Variants in SLC35E1 observed in about 807,000 individuals in gnomAD.
The protein encoded by SLC35E1 is solute carrier family 35, member E1.
A neutral mutation model predicts 31.0 loss-of-function variants in SLC35E1; 12 were observed. The ratio of observed to expected loss-of-function variants is 0.39; its 90% CI spans 0.25 to 0.63. The LOEUF (loss-of-function observed/expected upper bound fraction) is 0.63. Ranked by LOEUF, SLC35E1 falls within the 20% of genes least tolerant of loss-of-function variation. The pLI, the probability that SLC35E1 is intolerant of heterozygous loss-of-function variation, is 0.52. For synonymous variants in SLC35E1, 257 were observed against 264.1 expected, an observed-to-expected ratio of 0.97 and a Z score of 0.26; for missense variants, 429 against 572.2, an observed-to-expected ratio of 0.75 and a Z score of 2.55.
intron 4 of SLC35E1, among the ~76,000 whole-genome samples, chr19:16,558,391 C>T (rs2085887141): frequency 1.3e-5 from 2 of 152,032 alleles, no homozygotes; most frequent in Non-Finnish European, 2.9e-5. Context: ...GGTTGGAGTG[C>T]AGTGGCACGA....
At position 16,551,628 on chromosome 19, in the gene SLC35E1, T is replaced by C. The variant is rs2085845909; in HGVS notation, c.*2051A>G. 6.6e-6 allele frequency: 1 copy of C among 151,986 alleles called. No individual in the cohort carries two copies. Among genetic ancestry groups the C allele is most frequent in the African/African-American group, 2.4e-5 (1 of 41,374 alleles). 9.4% of individuals were successfully genotyped at this position (151,986 alleles called of 1,614,324 possible). On this transcript the variant is annotated 3_prime_UTR_variant, in exon 6 of 6. Transcript: ENST00000595753. Reference sequence around the variant, plus strand: ...ACAAGCCAAGCCGTGGTCCCCTCCGTGAGGGCACGGTCCTTTCATGAAGCC... The same window carrying C: ...ACAAGCCAAGCCGTGGTCCCCTCCGCGAGGGCACGGTCCTTTCATGAAGCC...
In SLC35E1 at chr19:16,553,704, T is replaced by C. The variant is rs1427049535; in HGVS notation, c.1208A>G (p.Tyr403Cys). 3.2e-6 allele frequency: 5 copies of C among 1,583,882 alleles called. No homozygotes were observed. Among genetic ancestry groups the C allele is most frequent in the African/African-American group, 2.7e-5 (2 of 74,524 alleles). ...QYSRQSYPNS[Y>C]SLNRYDV ...CTACACATCATAGCGGTTCAAACTG[T>C]ACGAGTTTGGGTAGCTCTGCCGGCT... The change falls in exon 6 of 6, where the codon TAC (tyrosine) becomes TGC (cysteine). Residue 403 changes from tyrosine to cysteine, a missense_variant. Transcript: ENST00000595753.
At chr19:16,565,146 A>T (rs1444330417) in intron 4 of SLC35E1, 1 of 456,642 alleles carries the variant, frequency 2.2e-6, no homozygotes, top group South Asian at 1.5e-5. Context: ...CAGGTGGCAA[A>T]AAGATTCGAC....
chr19:16,570,344 T>TA (rs932722022), intron 2 of SLC35E1, among the ~76,000 whole-genome samples: 4 of 151,256 alleles, frequency 2.6e-5, no homozygotes, highest in Non-Finnish European at 4.4e-5. Flanking sequence ...CAGGCAGGAA[T>TA]AAAAAAAAAT....
chr19:16,561,443 A>C (rs2085906191), intron 4 of SLC35E1, among the ~76,000 whole-genome samples: 1 of 152,046 alleles, frequency 6.6e-6, no homozygotes, highest in African/African-American at 2.4e-5. Flanking sequence ...TGGTGGCTCC[A>C]AGGCACTCTG....
At chr19:16,558,801 GCT>G (rs1568272301) in intron 4 of SLC35E1, among the ~76,000 whole-genome samples, 2 of 128,298 alleles carry the variant, frequency 1.6e-5, no homozygotes, top group Admixed American at 8.9e-5. Context: ...ATGGACTCTC[GCT>G]CTGTCGCCCA....
At position 16,552,930 on chromosome 19, in the gene SLC35E1, G is replaced by C. The variant is rs2085853037; in HGVS notation, c.*749C>G. On this transcript the variant is annotated 3_prime_UTR_variant, in exon 6 of 6. Coordinates refer to ENST00000595753, the MANE Select transcript of SLC35E1 (RefSeq NM_024881.5). ...CACCCCAAGAGAAGCGCCCTGCTCT[G>C]GTGAGGGAAGAGGAGGCAAAGGAGA... is the stretch of plus-strand genomic sequence containing the variant. 1 of 152,214 alleles carries C rather than the reference G, an allele frequency of 6.6e-6. No homozygotes were observed. Among genetic ancestry groups the C allele is most frequent in the Non-Finnish European group, 1.5e-5 (1 of 68,060 alleles). The allele number at this position is 152,214 out of a possible 1,614,324, so 9.4% of individuals were successfully genotyped here. A position where few individuals can be genotyped will look rare whatever the true frequency, so the allele number is the denominator to read the frequency against.
intron 2 of SLC35E1, among the ~76,000 whole-genome samples, chr19:16,570,167 G>C (rs2085950482): frequency 6.6e-6 from 1 of 152,164 alleles, no homozygotes; most frequent in African/African-American, 2.4e-5. Flanking sequence ...GCCCAAGCTG[G>C]GTACAATGTC....
intron 4 of SLC35E1, among the ~76,000 whole-genome samples, chr19:16,558,360 G>A (rs1408363653): frequency 6.6e-6 from 1 of 151,424 alleles, no homozygotes; most frequent in Non-Finnish European, 1.5e-5. Flanking sequence ...TTCTTGAGAC[G>A]GAGTCTCACT....
intron 4 of SLC35E1, among the ~76,000 whole-genome samples, chr19:16,561,270 CAG>C (rs893799001): frequency 5.1e-5 from 6 of 116,748 alleles, no homozygotes; most frequent in South Asian, 2.8e-4. Context: ...GAAAGCCTAA[CAG>C]GGGATTTCCT....
At chr19:16,557,945 C>G (rs1416114139) in intron 4 of SLC35E1, among the ~76,000 whole-genome samples, 1 of 152,174 alleles carries the variant, frequency 6.6e-6, no homozygotes, top group African/African-American at 2.4e-5. Context: ...TCCCGCATAG[C>G]TGGGACTACA....
rs2085846963 is a variant in SLC35E1 at position 16,551,787 on chromosome 19, C to A, written c.*1892G>T. On this transcript the variant is annotated 3_prime_UTR_variant, in exon 6 of 6. Transcript: ENST00000595753. ...TTTTTTTTTTTGAGACAGAGTCTCA[C>A]TCTGTCACCAAGGCTGGAGTGCAGT... is the stretch of plus-strand genomic sequence containing the variant. 6.9e-6 allele frequency: 1 copy of A among 145,428 alleles called. No homozygotes were observed. The highest frequency in any genetic ancestry group is 1.5e-5 in the Non-Finnish European group (1 of 67,058). 9.0% of individuals were successfully genotyped at this position (145,428 alleles called of 1,614,324 possible). A position where few individuals can be genotyped will look rare whatever the true frequency, so the allele number is the denominator to read the frequency against.
Position 16,553,863 on chromosome 19 carries a change from A to G in SLC35E1, c.1049T>C (p.Val350Ala). The G allele has an allele frequency of 2.5e-6, 4 of 1,612,956 alleles. No homozygotes were observed. Among genetic ancestry groups the G allele is most frequent in the Non-Finnish European group, 3.4e-6 (4 of 1,179,416 alleles). ...CTTGCTGCTCAGGTCTGCTGTGGTG[A>G]CGGGGAGGAGGTGCTTCCTGGCTTG... is the stretch of plus-strand genomic sequence containing the variant. ...NQQARKHLLP[V>A]TTADLSSKER... The change falls in exon 6 of 6, where the codon GTC (valine) becomes GCC (alanine). Residue 350 changes from valine to alanine, a missense_variant. Transcript: ENST00000595753.
Position 16,550,193 on chromosome 19 carries a change from T to C in SLC35E1, c.*3486A>G, listed in dbSNP as rs1250343777. ...GACTTAAAATAAGGTGGTTAAAAAT[T>C]CTGCAGTGAGTCTCGCCATGGTGAA... On this transcript the variant is annotated 3_prime_UTR_variant, in exon 6 of 6. Coordinates refer to ENST00000595753, the MANE Select transcript of SLC35E1 (RefSeq NM_024881.5). The C allele has an allele frequency of 6.6e-6, 1 of 152,202 alleles. No individual in the cohort carries two copies. The highest frequency in any genetic ancestry group is 2.4e-5 in the African/African-American group (1 of 41,462). The allele number at this position is 152,202 out of a possible 1,614,324, so 9.4% of individuals were successfully genotyped here.
At position 16,562,589 on chromosome 19, in the gene SLC35E1, GTAT is replaced by G. The variant is rs1337963265; in HGVS notation, c.756+3940_756+3942del. Among the ~76,000 whole-genome samples, 16 of 151,216 alleles carry G rather than the reference GTAT, an allele frequency of 1.1e-4. No individual in the cohort carries two copies. The East Asian group carries it at 2.9e-3, about 27-fold the overall frequency. ...CTGCTATACAAATAATTGTTATACT[GTAT>G]TATTTTAAAATGTCTTATTCTTTAT... On this transcript the variant is annotated intron_variant, in intron 4 of 5. Coordinates refer to ENST00000595753, the MANE Select transcript of SLC35E1 (RefSeq NM_024881.5).
intron 4 of SLC35E1, chr19:16,557,133 T>TAAAAA: frequency 2.9e-6 from 1 of 347,730 alleles, no homozygotes; most frequent in African/African-American, 2.2e-5. Context: ...CAATCTGGTT[T>TAAAAA]AAAACAAAAA....
intron 4 of SLC35E1, among the ~76,000 whole-genome samples, chr19:16,563,896 G>A (rs2085919319): frequency 1.3e-5 from 2 of 152,180 alleles, no homozygotes; most frequent in African/African-American, 4.8e-5. Context: ...GTGAATAACG[G>A]GTAGAATAAG....
Position 16,572,017 on chromosome 19 carries a change from G to A in SLC35E1, c.348C>T (p.Ala116=). The A allele has an allele frequency of 6.5e-7, 1 of 1,545,816 alleles. No homozygotes were observed. Among genetic ancestry groups the A allele is most frequent in the Non-Finnish European group, 8.7e-7 (1 of 1,145,050 alleles). Residue 116 remains alanine (A), a synonymous_variant, in exon 1 of 6, where the codon GCC becomes GCT. Coordinates refer to ENST00000595753, the MANE Select transcript of SLC35E1 (RefSeq NM_024881.5). This position sits in a 1 kb window ranked among gnomAD's most constrained non-coding sequence, Gnocchi z 4.1. ...ACACGGACGCGAAGTACTTGCCGAA[G>A]GCGAGCGGTAGCACGTAGCGCGGGT... ...RFYPRYVLPL[A]FGKYFASVSA...
Position 16,571,559 on chromosome 19 carries a change from C to T in SLC35E1, c.445G>A (p.Val149Met), listed in dbSNP as rs1389934325. ...ATAATGATCCGGGACAGGAGGACCA[C>T]CCAGATGGGCATGGTGGCCTTGACT... ...HTVKATMPIW[V>M]VLLSRIIMKE... Residue 149 changes from valine to methionine, a missense_variant, in exon 2 of 6, where the codon GTG becomes ATG. Physicochemically the swap from Val to Met is conservative, Grantham distance 21 (BLOSUM62 1). Transcript: ENST00000595753. The T allele has an allele frequency of 1.2e-6, 2 of 1,613,824 alleles. No homozygotes were observed. The highest frequency in any genetic ancestry group is 1.7e-6 in the Non-Finnish European group (2 of 1,179,976).
Sources: allele counts gnomAD v4.1 joint callset (sites outside exome capture counted in the v4.1 genomes callset), GRCh38; gene constraint gnomAD v4.1.1; non-coding constraint Gnocchi (gnomAD v3.1); transcripts MANE v1.5; gene names NCBI Gene and HGNC (gene_info 2026-07-23, HGNC 2026-07-21).